The following MLH3 variants were observed in gnomAD, a reference collection of about 807,000 sequenced individuals.
MLH3 encodes DNA mismatch repair protein Mlh3.
MLH3 carries 82 observed loss-of-function variants against 122.2 expected under a neutral mutation model. The ratio of observed to expected loss-of-function variants is 0.67; its 90% CI spans 0.56 to 0.81. The LOEUF is 0.81. MLH3 is among the 30% of genes least tolerant of loss of function. MLH3 has a pLI of 0.00. For missense variants in MLH3, 1,539 were observed against 1,714.5 expected (o/e 0.90, Z 1.81); for synonymous variants, 524 against 599.5 (o/e 0.87, Z 1.84).
At chr14:75,022,929 CG>C in intron 10 of MLH3, 37 bp from the exon 11 acceptor site, 1 of 1,613,644 alleles carries the variant, frequency 6.2e-7, no homozygotes, top group African/African-American at 1.3e-5. Flanking sequence ...GAAAAGAAAA[CG>C]GAACAACGAA....
rs1408424853 is a variant in MLH3 at position 75,048,738 on chromosome 14, A to T, written c.918T>A (p.Tyr306Ter). ...AGAATTGGCACTGCACATTAATTAC[A>T]TATATGCCATAGAGTTCTGGGGTAG... ...HRSTPELYGI[Y>*]VINVQCQFCE... Residue 306 changes from tyrosine to a stop codon, truncating the protein, a stop_gained, in exon 2 of 13, where the codon TAT becomes TAA. Coordinates refer to ENST00000355774, the MANE Select transcript of MLH3 (RefSeq NM_001040108.2). LOFTEE classifies it high-confidence loss of function. 6.2e-7 allele frequency: 1 copy of T among 1,614,090 alleles called. No individual in the cohort carries two copies. Among genetic ancestry groups the T allele is most frequent in the African/African-American group, 1.3e-5 (1 of 75,036 alleles).
chr14:75,027,315 A>G (rs1890692782), intron 9 of MLH3, among the ~76,000 whole-genome samples: 1 of 151,002 alleles, frequency 6.6e-6, no homozygotes, highest in South Asian at 2.1e-4. Context: ...GCTGGGGTGC[A>G]ATGGCGTGAT....
intron 1 of MLH3, chr14:75,050,737 T>C (rs190232464): frequency 2.6e-5 from 4 of 152,366 alleles, no homozygotes; most frequent in Admixed American, 2.0e-4. Context: ...TCTTTACAGA[T>C]GGGCATAAAC....
Position 75,049,457 on chromosome 14 carries a change from C to G in MLH3, c.199G>C (p.Glu67Gln). ...GTGAAATAACGATTTCCCACTTTCTCTACATCATCACTCCCCATCCCAAAT... is the reference window on the plus strand; with the variant it reads ...GTGAAATAACGATTTCCCACTTTCTGTACATCATCACTCCCCATCCCAAAT... ...NGFGMGSDDV[E>Q]KVGNRYFTSK... Residue 67 changes from glutamate (E) to glutamine (Q), a missense_variant, in exon 2 of 13, where the codon GAG becomes CAG. Coordinates refer to ENST00000355774, the MANE Select transcript of MLH3 (RefSeq NM_001040108.2). 1 of 1,614,160 alleles carries G rather than the reference C, an allele frequency of 6.2e-7. No individual in the cohort carries two copies. The highest frequency in any genetic ancestry group is 8.5e-7 in the Non-Finnish European group (1 of 1,180,038).
intron 6 of MLH3, 97 bp from the exon 7 acceptor site, chr14:75,033,587 A>G: frequency 1.1e-6 from 1 of 870,980 alleles, no homozygotes; most frequent in Non-Finnish European, 1.9e-6. Flanking sequence ...ACTATCTAAC[A>G]ACAGCATAAG....
chr14:75,033,289 T>G, intron 7 of MLH3, 130 bp downstream of exon 7: 2 of 755,268 alleles, frequency 2.6e-6, no homozygotes, highest in Non-Finnish European at 4.7e-6. Flanking sequence ...ACTGCAGGAC[T>G]TTAGTTTAAT....
At chr14:75,040,774 T>C (rs1891800200) in intron 4 of MLH3, among the ~76,000 whole-genome samples, 1 of 152,166 alleles carries the variant, frequency 6.6e-6, no homozygotes, top group African/African-American at 2.4e-5. Context: ...TATCTAATGA[T>C]AACAATTTCA....
intron 6 of MLH3, among the ~76,000 whole-genome samples, 180 bp downstream of exon 6, chr14:75,038,158 CAA>C (rs750799898): frequency 9.9e-5 from 15 of 152,202 alleles, no homozygotes; most frequent in Non-Finnish European, 2.1e-4. Context: ...CCTCACCTCC[CAA>C]AGTGTTGGGA....
chr14:75,021,861 A>G (rs141582889), intron 11 of MLH3, among the ~76,000 whole-genome samples: 2 of 152,246 alleles, frequency 1.3e-5, no homozygotes, highest in East Asian at 3.8e-4. Flanking sequence ...TCATTCTACC[A>G]TAAAGACACA....
At chr14:75,019,272 T>G (rs1890110118) in intron 11 of MLH3, among the ~76,000 whole-genome samples, 1 of 151,738 alleles carries the variant, frequency 6.6e-6, no homozygotes, top group South Asian at 2.1e-4. Context: ...TAGCCGGGTG[T>G]GGTGGCACGC....
chr14:75,023,168 G>T, intron 9 of MLH3, 150 bp from the exon 10 acceptor site: 1 of 867,844 alleles, frequency 1.2e-6, no homozygotes, highest in Non-Finnish European at 1.9e-6. Flanking sequence ...AAATTTATTT[G>T]TTGTAAGGCA....
chr14:75,032,144 G>T lies in MLH3; in HGVS notation c.3751C>A (p.Arg1251=). ...AGAGTAGAAGACAGTAATTTTTTCC[G>T]ACCAGAGCCTTGTGCCTGTTGCTTC... ...YEKQQAQGSG[R]KKLLSSTLIP... is the part of the protein sequence containing the mutation. The change falls in exon 8 of 13, where the codon CGG becomes AGG. Residue 1251 remains arginine, a synonymous_variant. Transcript: ENST00000355774. 1 of 1,613,606 alleles carries T rather than the reference G, an allele frequency of 6.2e-7. No homozygotes were observed. Among genetic ancestry groups the T allele is most frequent in the South Asian group, 1.1e-5 (1 of 91,032 alleles).
At position 75,019,182 on chromosome 14, in the gene MLH3, C is replaced by A. The variant is rs552293438; in HGVS notation, c.4091-202G>T. 1.3e-5 allele frequency: 7 copies of A among 548,208 alleles called. No homozygotes were observed. In the East Asian group the frequency reaches 2.3e-4, roughly 18 times the overall value. The allele number at this position is 548,208 out of a possible 1,614,324, so 34.0% of individuals were successfully genotyped here. ...ATCCCAGCACTTTGGGAGGCTGAGGCGGGCAGATCATGAGGTCAGGAGTTC... is the reference window on the plus strand; with the variant it reads ...ATCCCAGCACTTTGGGAGGCTGAGGAGGGCAGATCATGAGGTCAGGAGTTC... On this transcript the variant is annotated intron_variant, in intron 11 of 12. Transcript: ENST00000355774.
chr14:75,020,107 G>A (rs1890175889), intron 11 of MLH3, among the ~76,000 whole-genome samples: 1 of 152,182 alleles, frequency 6.6e-6, no homozygotes, highest in African/African-American at 2.4e-5. Flanking sequence ...TTCAGGTAGA[G>A]GAGAAGGCCA....
chr14:75,046,670 C>T lies in MLH3; in HGVS notation c.2986G>A (p.Gly996Arg), dbSNP rs374190439. ...ATTCCACTGGGAGAGTCAAGACTTC[C>T]TATCTGTTGTTCTGAGGCTCTGATA... Reference protein sequence around the residue: ...VLIRASEQQIGSLDSPSGMLM... With the variant: ...VLIRASEQQIRSLDSPSGMLM... Residue 996 changes from glycine (G) to arginine (R), a missense_variant, in exon 2 of 13, where the codon GGA becomes AGA. Coordinates refer to ENST00000355774, the MANE Select transcript of MLH3 (RefSeq NM_001040108.2). 6 of 1,614,072 alleles carry T rather than the reference C, an allele frequency of 3.7e-6. No homozygotes were observed. The African/African-American group carries it at 8.0e-5, about 22-fold the overall frequency.
intron 2 of MLH3, among the ~76,000 whole-genome samples, chr14:75,044,321 A>G (rs1892070954): frequency 6.6e-6 from 1 of 152,226 alleles, no homozygotes; most frequent in East Asian, 1.9e-4. Flanking sequence ...CCAGAATGTT[A>G]AGTAGGTTAA....
intron 2 of MLH3, among the ~76,000 whole-genome samples, chr14:75,044,773 C>T (rs150829445): frequency 3.3e-5 from 5 of 152,292 alleles, no homozygotes; most frequent in Non-Finnish European, 7.3e-5. Context: ...TAGAGATATT[C>T]ATCGTCAGGA....
intron 5 of MLH3, 110 bp downstream of exon 5, chr14:75,039,801 G>C (rs1210060475): frequency 1.9e-5 from 6 of 311,412 alleles, no homozygotes; most frequent in Non-Finnish European, 2.2e-5. Flanking sequence ...CCTTGACCAA[G>C]GTGGTCTATA....
Position 75,049,271 on chromosome 14 carries a change from C to G in MLH3, c.385G>C (p.Ala129Pro). 1 of 1,614,218 alleles carries G rather than the reference C, an allele frequency of 6.2e-7. No individual in the cohort carries two copies. Among genetic ancestry groups the G allele is most frequent in the Non-Finnish European group, 8.5e-7 (1 of 1,180,026 alleles). The change falls in exon 2 of 13, where the codon GCC becomes CCC. Residue 129 changes from alanine (A) to proline (P), a missense_variant. Physicochemically the swap from Ala to Pro is conservative, Grantham distance 27. Transcript: ENST00000355774. Reference sequence around the variant, plus strand: ...ACATCAGCTTCACAAGCTTTCAGGGCTTTTCCACTCTGAAACAGTTTCACA... The same window carrying G: ...ACATCAGCTTCACAAGCTTTCAGGGGTTTTCCACTCTGAAACAGTTTCACA... ...TFVKLFQSGK[A>P]LKACEADVTR...
Sources: gnomAD v4.1 joint callset for allele counts (sites outside exome capture counted in the v4.1 genomes callset) on GRCh38, gnomAD v4.1.1 for gene constraint, MANE v1.5 for transcripts, NCBI Gene and HGNC (gene_info 2026-07-23, HGNC 2026-07-21) for gene names.